The following TC2N variants were observed in gnomAD, a reference collection of about 807,000 sequenced individuals.
TC2N encodes the protein tandem C2 domains nuclear protein.
Under a neutral mutation model 61.9 loss-of-function variants are expected in TC2N, and 51 were observed. The observed-to-expected ratio is 0.82, with a 90% CI of 0.66 to 1.04. The LOEUF (loss-of-function observed/expected upper bound fraction) is 1.04. Among genes scored for constraint, TC2N ranks in the 50% least tolerant of loss-of-function variants. TC2N has a pLI of 0.00. For synonymous variants in TC2N, 204 were observed against 192.6 expected, an observed-to-expected ratio of 1.06 and a Z score of -0.49; for missense variants, 556 against 566.7, an observed-to-expected ratio of 0.98 and a Z score of 0.19.
chr14:91,835,740 A>G (rs1203577677), intron 1 of TC2N, among the ~76,000 whole-genome samples: 1 of 152,260 alleles, frequency 6.6e-6, no homozygotes, highest in African/African-American at 2.4e-5. Flanking sequence ...CCCTTTCGCC[A>G]CTTCACAAAG....
chr14:91,801,130 C>T lies in TC2N; in HGVS notation c.470-758G>A, dbSNP rs139074915. Among the ~76,000 whole-genome samples, 47 of 150,838 alleles carry T rather than the reference C, an allele frequency of 3.1e-4. No individual in the cohort carries two copies. In the South Asian group the frequency reaches 6.3e-3, roughly 20 times the overall value. ...AACTGAGAATTTTGTGAATCACAGA[C>T]GAACATGATAGACTATAATTCACAC... On this transcript the variant is annotated intron_variant, in intron 4 of 11. Coordinates refer to ENST00000435962, the MANE Select transcript of TC2N (RefSeq NM_001128596.3).
chr14:91,823,694 G>C (rs1003972728), intron 1 of TC2N, among the ~76,000 whole-genome samples: 3 of 151,828 alleles, frequency 2.0e-5, no homozygotes, highest in African/African-American at 7.3e-5. Context: ...AGAAGGGCAG[G>C]ACCAGTCAGG....
In TC2N at chr14:91,813,819, T is replaced by A; in HGVS notation, c.-50A>T. ...AAAAGACACAAACTTCCAATCTTAATATTAATCTGTTGGTAGAATAGAAAA... is the reference window on the plus strand; with the variant it reads ...AAAAGACACAAACTTCCAATCTTAAAATTAATCTGTTGGTAGAATAGAAAA... On this transcript the variant is annotated 5_prime_UTR_variant, in exon 2 of 12. Coordinates refer to ENST00000435962, the MANE Select transcript of TC2N (RefSeq NM_001128596.3). The A allele has an allele frequency of 7.8e-7, 1 of 1,288,844 alleles. No homozygotes were observed. Among genetic ancestry groups the A allele is most frequent in the Non-Finnish European group, 1.1e-6 (1 of 891,050 alleles). The allele number at this position is 1,288,844 out of a possible 1,614,324, so 79.8% of individuals were successfully genotyped here. A position where few individuals can be genotyped will look rare whatever the true frequency, so the allele number is the denominator to read the frequency against.
intron 8 of TC2N, among the ~76,000 whole-genome samples, chr14:91,795,330 A>C (rs1307636601): frequency 6.6e-6 from 1 of 152,172 alleles, no homozygotes; most frequent in East Asian, 1.9e-4. Context: ...ATTTTGAAAG[A>C]AGTTCTACTG....
chr14:91,799,577 GT>G (rs1234531620), intron 5 of TC2N, among the ~76,000 whole-genome samples: 1 of 152,016 alleles, frequency 6.6e-6, no homozygotes, highest in African/African-American at 2.4e-5. Flanking sequence ...ATTCTGATGT[GT>G]GTTAAACAAC....
chr14:91,785,423 T>C, intron 10 of TC2N, 62 bp from the exon 11 acceptor site: 4 of 1,211,922 alleles, frequency 3.3e-6, no homozygotes, highest in East Asian at 2.3e-5. Flanking sequence ...AAGATGTGTA[T>C]ATACACATCC....
chr14:91,827,379 G>C (rs1273553305), intron 1 of TC2N, among the ~76,000 whole-genome samples: 2 of 152,136 alleles, frequency 1.3e-5, no homozygotes, highest in African/African-American at 4.8e-5. Flanking sequence ...AGGCTCTATG[G>C]GAAATTCCAT....
chr14:91,785,347 C>T lies in TC2N; in HGVS notation c.1177G>A (p.Val393Met), dbSNP rs778204134. ...AACTCTCCCGAGCTAAACATTCCCA[C>T]CTTCACGAAAAAACCTAAAAAATTA... ...TPLTLSFFVK[V>M]GMFSSGELIY... Residue 393 changes from valine (V) to methionine (M), a missense_variant, in exon 11 of 12, where the codon GTG (valine) becomes ATG (methionine). Physicochemically the swap from Val to Met is conservative, Grantham distance 21. Coordinates refer to ENST00000435962, the MANE Select transcript of TC2N (RefSeq NM_001128596.3). 5.1e-5 allele frequency: 82 copies of T among 1,611,660 alleles called. No homozygotes were observed. Among genetic ancestry groups the T allele is most frequent in the Non-Finnish European group, 6.6e-5 (78 of 1,179,298 alleles).
chr14:91,812,594 A>G lies in TC2N; in HGVS notation c.68-49T>C, dbSNP rs1243917881. 7.7e-6 allele frequency: 7 copies of G among 910,154 alleles called. No homozygotes were observed. The African/African-American group carries it at 1.2e-4, about 15-fold the overall frequency. The allele number at this position is 910,154 out of a possible 1,614,324, so 56.4% of individuals were successfully genotyped here. ...TCACAAATATGAATATAGGTTACAT[A>G]TAATAATCTAAACCTAGCATACTTT... On this transcript the variant is annotated intron_variant, in intron 2 of 11. Coordinates refer to ENST00000435962, the MANE Select transcript of TC2N (RefSeq NM_001128596.3).
At chr14:91,801,044 A>ATATACATATATATACACACACATATG (rs1365589352) in intron 4 of TC2N, among the ~76,000 whole-genome samples, 2 of 150,076 alleles carry the variant, frequency 1.3e-5, no homozygotes, top group Non-Finnish European at 3.0e-5. Context: ...ATGTATACAT[A>ATATACATATATATACACACACATATG]TATACATATA....
At chr14:91,801,208 A>G (rs1886233579) in intron 4 of TC2N, among the ~76,000 whole-genome samples, 2 of 152,088 alleles carry the variant, frequency 1.3e-5, no homozygotes, top group Admixed American at 6.5e-5. Flanking sequence ...CAGTTTGTTT[A>G]TATTTCCCAT....
At position 91,837,132 on chromosome 14, in the gene TC2N, G is replaced by C. The variant is rs189536919; in HGVS notation, c.-56-23307C>G. Among the ~76,000 whole-genome samples, 14 of 152,324 alleles carry C rather than the reference G, an allele frequency of 9.2e-5. No individual in the cohort carries two copies. In the East Asian group the frequency reaches 2.5e-3, roughly 27 times the overall value. On this transcript the variant is annotated intron_variant, in intron 1 of 11. Coordinates refer to ENST00000435962, the MANE Select transcript of TC2N (RefSeq NM_001128596.3). This position sits in a 1 kb window ranked among gnomAD's most constrained non-coding sequence, Gnocchi z 4.2. ...CTAACCCTGGTAAAGCGGGGGGCCT[G>C]GCCCTTTTCTCTGGGCTTCCTTGGT...
chr14:91,787,136 T>C (rs1039941253), intron 10 of TC2N, among the ~76,000 whole-genome samples: 14 of 152,266 alleles, frequency 9.2e-5, no homozygotes, highest in Admixed American at 5.2e-4. Context: ...GTTTTTGATA[T>C]ATATATTTTT....
intron 10 of TC2N, among the ~76,000 whole-genome samples, chr14:91,787,012 T>C (rs529715091): frequency 5.3e-5 from 8 of 152,302 alleles, no homozygotes; most frequent in African/African-American, 1.9e-4. Context: ...TTCCCTTCTT[T>C]TAGTAGGGAA....
At chr14:91,831,478 T>A (rs966478482) in intron 1 of TC2N, among the ~76,000 whole-genome samples, 2 of 152,206 alleles carry the variant, frequency 1.3e-5, no homozygotes, top group African/African-American at 4.8e-5. Flanking sequence ...CTCTCAAGTA[T>A]CAAGGTTCTT....
intron 1 of TC2N, among the ~76,000 whole-genome samples, chr14:91,854,450 A>T (rs1479297629): frequency 8.3e-4 from 65 of 78,120 alleles, no homozygotes; most frequent in African/African-American, 3.3e-3. Flanking sequence ...AGGAGGAGAT[A>T]GGAGAGGGGG....
chr14:91,801,768 TTC>T (rs1193841213), intron 4 of TC2N, among the ~76,000 whole-genome samples: 1 of 152,228 alleles, frequency 6.6e-6, no homozygotes, highest in African/African-American at 2.4e-5. Context: ...TGTAGCTAAC[TTC>T]TTTCTCTTTT....
chr14:91,788,659 T>C (rs6575217), intron 9 of TC2N, among the ~76,000 whole-genome samples: 149,324 of 152,256 alleles, frequency 0.98, 73,298 homozygotes, highest in East Asian at 1. Flanking sequence ...CAACAAAAAC[T>C]CCAACCTCTC....
intron 9 of TC2N, among the ~76,000 whole-genome samples, chr14:91,788,429 T>C (rs1422981276): frequency 6.6e-6 from 1 of 152,192 alleles, no homozygotes; most frequent in Non-Finnish European, 1.5e-5. Context: ...ATTGTTTACA[T>C]GTTGAAAAGA....
Sources: gnomAD v4.1 joint callset for allele counts (sites outside exome capture counted in the v4.1 genomes callset) on GRCh38, gnomAD v4.1.1 for gene constraint, Gnocchi (gnomAD v3.1) non-coding constraint, MANE v1.5 for transcripts, NCBI Gene and HGNC (gene_info 2026-07-23, HGNC 2026-07-21) for gene names.